The following SYNE2 variants were observed in gnomAD, a reference collection of about 807,000 sequenced individuals.
The protein encoded by SYNE2 is spectrin repeat containing nuclear envelope protein 2.
Under a neutral mutation model 856.3 loss-of-function variants are expected in SYNE2, and 431 were observed. The ratio of observed to expected loss-of-function variants is 0.50; its 90% CI spans 0.47 to 0.55. SYNE2 has a LOEUF of 0.55. Among genes scored for constraint, SYNE2 ranks in the 20% least tolerant of loss-of-function variants. SYNE2 has a pLI of 0.00. For missense variants in SYNE2, 8,129 were observed against 8,023.2 expected, an observed-to-expected ratio of 1.01 and a Z score of -0.50; for synonymous variants, 2,923 against 2,872.3, an observed-to-expected ratio of 1.02 and a Z score of -0.56.
chr14:63,922,188 A>G (rs901823861), intron 2 of SYNE2, among the ~76,000 whole-genome samples: 9 of 151,960 alleles, frequency 5.9e-5, no homozygotes, highest in African/African-American at 2.2e-4. Context: ...TGCTCTTTTT[A>G]GAGACAGGGT....
chr14:64,193,575 C>CATCA (rs1207433702), intron 99 of SYNE2, among the ~76,000 whole-genome samples: 1 of 151,982 alleles, frequency 6.6e-6, no homozygotes, highest in African/African-American at 2.4e-5. Flanking sequence ...GGAAGGTGAT[C>CATCA]CTACATAGGT....
chr14:64,117,552 C>T (rs917338444), intron 66 of SYNE2, among the ~76,000 whole-genome samples: 2 of 152,204 alleles, frequency 1.3e-5, no homozygotes, highest in African/African-American at 2.4e-5. Context: ...CTGCCTCAGC[C>T]TCCCGAAGTG....
rs927113161 is a variant in SYNE2 at position 64,226,384 on chromosome 14, G to C, written c.*858G>C. 6.6e-6 allele frequency: 1 copy of C among 152,556 alleles called. No homozygotes were observed. Among genetic ancestry groups the C allele is most frequent in the African/African-American group, 2.4e-5 (1 of 41,414 alleles). 9.5% of individuals were successfully genotyped at this position (152,556 alleles called of 1,614,324 possible). On this transcript the variant is annotated 3_prime_UTR_variant, in exon 116 of 116. Coordinates refer to ENST00000555002, the MANE Select transcript of SYNE2 (RefSeq NM_182914.3). ...TTGGTACAGAAACTTGAAGCTGTTT[G>C]TGATATGTACAACTCAGATGTTTCT...
chr14:63,764,921 G>A (rs1886617939), intron 1 of SYNE2, among the ~76,000 whole-genome samples: 1 of 152,142 alleles, frequency 6.6e-6, no homozygotes, highest in Non-Finnish European at 1.5e-5. Flanking sequence ...GCATTCCGGA[G>A]TGGGCAACAG....
At chr14:63,993,106 G>A (rs1228043205) in intron 21 of SYNE2, among the ~76,000 whole-genome samples, 1 of 152,182 alleles carries the variant, frequency 6.6e-6, no homozygotes, top group Non-Finnish European at 1.5e-5. Flanking sequence ...TCCCATTCTT[G>A]TGTACTGCTG....
Position 63,978,007 on chromosome 14 carries a change from A to G in SYNE2, c.1396A>G (p.Met466Val). The change falls in exon 13 of 116, where the codon ATG becomes GTG. Residue 466 changes from methionine to valine, a missense_variant. Transcript: ENST00000555002. ...GGTACCACCTAACAAATTGGAGGAA[A>G]TGAAAAGACGGTGTGTAACACTACC... ...PLVPPNKLEE[M>V]KRRINNILEK... 5.6e-6 allele frequency: 9 copies of G among 1,607,106 alleles called. No homozygotes were observed. Among genetic ancestry groups the G allele is most frequent in the Middle Eastern group, 1.7e-4 (1 of 6,052 alleles).
At chr14:64,196,018 G>A (rs2098539094) in intron 99 of SYNE2, among the ~76,000 whole-genome samples, 1 of 152,148 alleles carries the variant, frequency 6.6e-6, no homozygotes, top group South Asian at 2.1e-4. Flanking sequence ...AGAGGATAAT[G>A]AGCAAGCGGC....
chr14:63,999,080 A>G, intron 27 of SYNE2, 40 bp downstream of exon 27: 4 of 1,595,678 alleles, frequency 2.5e-6, no homozygotes, highest in Non-Finnish European at 3.4e-6. Flanking sequence ...TATCTTGTTT[A>G]TTAGAAAATA....
At chr14:63,940,369 C>G (rs1240255906) in intron 2 of SYNE2, among the ~76,000 whole-genome samples, 1 of 152,016 alleles carries the variant, frequency 6.6e-6, no homozygotes, top group East Asian at 1.9e-4. Flanking sequence ...ATTCTTTTAT[C>G]AGTAAAAAAT....
At chr14:64,219,124 T>TTTTTTAA in intron 109 of SYNE2, 84 bp from the exon 110 acceptor site, 12 of 845,400 alleles carry the variant, frequency 1.4e-5, no homozygotes, top group Non-Finnish European at 2.1e-5. Flanking sequence ...TTTTTTTTTT[T>TTTTTTAA]AACCACCCTG....
chr14:63,764,918 G>A (rs190233167), intron 1 of SYNE2, among the ~76,000 whole-genome samples: 39 of 152,196 alleles, frequency 2.6e-4, no homozygotes, highest in African/African-American at 9.1e-4. Flanking sequence ...ACTGCATTCC[G>A]GAGTGGGCAA....
intron 45 of SYNE2, among the ~76,000 whole-genome samples, chr14:64,039,769 T>G (rs2097132958): frequency 6.6e-6 from 1 of 152,108 alleles, no homozygotes; most frequent in Non-Finnish European, 1.5e-5. Flanking sequence ...AGTAGGGAAA[T>G]TTTAGGAGCA....
At chr14:63,997,473 G>C (rs2096722267) in intron 25 of SYNE2, 82 bp downstream of exon 25, 8 of 1,115,054 alleles carry the variant, frequency 7.2e-6, no homozygotes, top group Non-Finnish European at 1.1e-5. Flanking sequence ...TCATTAATTA[G>C]GTGTTGGTTT....
intron 64 of SYNE2, among the ~76,000 whole-genome samples, chr14:64,103,309 A>T (rs1375916259): frequency 1.3e-5 from 2 of 151,858 alleles, no homozygotes; most frequent in African/African-American, 4.8e-5. Flanking sequence ...GTAAATTAAC[A>T]TGCCACTCTT....
At chr14:64,060,122 G>A (rs2097304983) in intron 49 of SYNE2, among the ~76,000 whole-genome samples, 1 of 151,616 alleles carries the variant, frequency 6.6e-6, no homozygotes, top group Admixed American at 6.6e-5. Flanking sequence ...GACGCCAAGA[G>A]CTCACTTAGT....
intron 1 of SYNE2, among the ~76,000 whole-genome samples, chr14:63,857,106 C>T (rs1891996054): frequency 6.6e-6 from 1 of 152,120 alleles, no homozygotes; most frequent in African/African-American, 2.4e-5. Flanking sequence ...TATGTATAGA[C>T]CTGTGGAACT....
chr14:64,021,595 T>A, intron 36 of SYNE2, 80 bp downstream of exon 36: 3 of 1,535,428 alleles, frequency 2.0e-6, no homozygotes, highest in Admixed American at 1.8e-5. Flanking sequence ...TTAGAGTTAA[T>A]AAAAATAGAA....
intron 1 of SYNE2, among the ~76,000 whole-genome samples, chr14:63,814,215 A>G (rs964317541): frequency 2.6e-5 from 4 of 151,834 alleles, no homozygotes; most frequent in African/African-American, 9.7e-5. Flanking sequence ...GGTTGCAGTG[A>G]GCTGAGATCA....
intron 45 of SYNE2, among the ~76,000 whole-genome samples, chr14:64,040,389 G>T (rs1204350935): frequency 6.6e-6 from 1 of 151,744 alleles, no homozygotes; most frequent in Non-Finnish European, 1.5e-5. Context: ...ACAGTACTTT[G>T]AGAACAAAAG....
Sources: allele counts gnomAD v4.1 joint callset (sites outside exome capture counted in the v4.1 genomes callset), GRCh38; gene constraint gnomAD v4.1.1; transcripts MANE v1.5; gene names NCBI Gene and HGNC (gene_info 2026-07-23, HGNC 2026-07-21).